Variants in SPON1 observed in about 807,000 individuals in gnomAD.
The protein encoded by SPON1 is spondin 1.
SPON1 carries 52 observed loss-of-function variants against 111.7 expected under a neutral mutation model. The observed-to-expected ratio is 0.47, with a 90% CI of 0.37 to 0.59. SPON1 has a LOEUF of 0.59. Among genes scored for constraint, SPON1 ranks in the 20% least tolerant of loss-of-function variants. The pLI is 0.00. For synonymous variants in SPON1, 410 were observed against 395.8 expected (o/e 1.04, Z -0.43); for missense variants, 957 against 1,068.5 (o/e 0.90, Z 1.46).
At chr11:14,117,909 T>C (rs1273193590) in intron 5 of SPON1, among the ~76,000 whole-genome samples, 1 of 152,200 alleles carries the variant, frequency 6.6e-6, no homozygotes, top group African/African-American at 2.4e-5. Context: ...GAAATAGCAT[T>C]GAAAAAGAAG....
chr11:14,011,991 G>A (rs1473200462), intron 2 of SPON1, among the ~76,000 whole-genome samples: 6 of 152,140 alleles, frequency 3.9e-5, no homozygotes, highest in African/African-American at 1.4e-4. Context: ...AGGGTGTGAG[G>A]GCTGCAATGC....
At chr11:13,998,139 C>T (rs1419683206) in intron 2 of SPON1, among the ~76,000 whole-genome samples, 1 of 152,180 alleles carries the variant, frequency 6.6e-6, no homozygotes, top group Non-Finnish European at 1.5e-5. Context: ...TGCCTGCCCA[C>T]ATACACACCC....
intron 6 of SPON1, among the ~76,000 whole-genome samples, chr11:14,145,382 A>C (rs1281343035): frequency 6.6e-6 from 1 of 152,220 alleles, no homozygotes; most frequent in Non-Finnish European, 1.5e-5. Context: ...AGTCTTATTC[A>C]AGACTTACAG....
At chr11:14,091,349 T>C (rs1554923331) in intron 5 of SPON1, among the ~76,000 whole-genome samples, 1 of 152,146 alleles carries the variant, frequency 6.6e-6, no homozygotes, top group African/African-American at 2.4e-5. Flanking sequence ...CCTTGGGTGG[T>C]CGATGGGACT....
intron 2 of SPON1, among the ~76,000 whole-genome samples, chr11:14,029,758 G>A (rs191542069): frequency 6.6e-6 from 1 of 152,270 alleles, no homozygotes; most frequent in East Asian, 1.9e-4. Flanking sequence ...GCTGTTTTAG[G>A]TTTAAATATG....
intron 3 of SPON1, among the ~76,000 whole-genome samples, chr11:14,049,400 C>T (rs1848692012): frequency 1.3e-5 from 2 of 152,222 alleles, no homozygotes; most frequent in South Asian, 4.1e-4. Flanking sequence ...ATAAGACTTG[C>T]TGTCCTCAGG....
chr11:13,970,157 C>G (rs1279076299), intron 1 of SPON1, among the ~76,000 whole-genome samples: 3 of 152,174 alleles, frequency 2.0e-5, no homozygotes, highest in Non-Finnish European at 2.9e-5. Context: ...TTTTGTGATG[C>G]TTGTCAGCTC....
intron 2 of SPON1, among the ~76,000 whole-genome samples, chr11:13,985,341 G>A (rs1848174103): frequency 6.6e-6 from 1 of 152,220 alleles, no homozygotes. Flanking sequence ...CACTTAAACA[G>A]TGCTTGTGTG....
intron 1 of SPON1, among the ~76,000 whole-genome samples, chr11:13,979,703 A>G (rs1287004821): frequency 6.6e-6 from 1 of 152,250 alleles, no homozygotes; most frequent in Non-Finnish European, 1.5e-5. Context: ...CCTGAGGACC[A>G]GGGACACAAG....
At chr11:14,103,916 A>T (rs115698553) in intron 5 of SPON1, among the ~76,000 whole-genome samples, 1,727 of 152,244 alleles carry the variant, frequency 0.011, 31 homozygotes, top group African/African-American at 0.04. Flanking sequence ...TATACTTATT[A>T]ATTTCCCTTT....
chr11:14,127,641 A>C (rs1182456263), intron 5 of SPON1, among the ~76,000 whole-genome samples: 1 of 152,258 alleles, frequency 6.6e-6, no homozygotes, highest in African/African-American at 2.4e-5. Context: ...CTGAATGAGA[A>C]TAGCATCTGT....
rs781806181 is a variant in SPON1, at chr11:14,257,779, C to T, written c.1373C>T (p.Thr458Ile). ...CCATGGTCCGCCTGCAGCTCCTCCACCTGTGACAAAGGCAAGAGGATGCGA... is the reference window on the plus strand; with the variant it reads ...CCATGGTCCGCCTGCAGCTCCTCCATCTGTGACAAAGGCAAGAGGATGCGA... Reference protein sequence around the residue: ...WSPWSACSSSTCDKGKRMRQR... With the variant: ...WSPWSACSSSICDKGKRMRQR... Residue 458 changes from threonine to isoleucine, a missense_variant, in exon 11 of 16, where the codon ACC becomes ATC. Coordinates refer to ENST00000576479, the MANE Select transcript of SPON1 (RefSeq NM_006108.4). The T allele has an allele frequency of 1.2e-6, 2 of 1,613,280 alleles. No individual in the cohort carries two copies. Among genetic ancestry groups the T allele is most frequent in the Non-Finnish European group, 1.7e-6 (2 of 1,179,634 alleles).
intron 3 of SPON1, among the ~76,000 whole-genome samples, chr11:14,067,903 T>C (rs1311252943): frequency 6.6e-6 from 1 of 152,226 alleles, no homozygotes; most frequent in Non-Finnish European, 1.5e-5. Context: ...GTCACTCTCC[T>C]GTCAGGTGGG....
intron 6 of SPON1, among the ~76,000 whole-genome samples, chr11:14,236,488 T>C (rs1204208577): frequency 3.3e-5 from 5 of 152,188 alleles, no homozygotes; most frequent in African/African-American, 4.8e-5. Flanking sequence ...GATGAAAATG[T>C]TGAGTGGCTG....
chr11:14,144,776 G>C (rs1554929157), intron 6 of SPON1, among the ~76,000 whole-genome samples: 2 of 152,120 alleles, frequency 1.3e-5, no homozygotes, highest in Non-Finnish European at 1.5e-5. Context: ...AGAATATTGT[G>C]TGATGTCATT....
At chr11:14,093,207 T>C (rs897756123) in intron 5 of SPON1, among the ~76,000 whole-genome samples, 2 of 152,270 alleles carry the variant, frequency 1.3e-5, no homozygotes, top group African/African-American at 4.8e-5. Context: ...TTCGAGGCAC[T>C]GTGAGTCTGT....
At chr11:14,056,555 T>C (rs1487837674) in intron 3 of SPON1, among the ~76,000 whole-genome samples, 8 of 152,190 alleles carry the variant, frequency 5.3e-5, no homozygotes, top group African/African-American at 1.7e-4. Flanking sequence ...AACAAAGTGG[T>C]CGTGTTAAAT....
intron 3 of SPON1, among the ~76,000 whole-genome samples, chr11:14,046,707 C>A (rs1286503265): frequency 1.3e-5 from 2 of 152,144 alleles, no homozygotes; most frequent in African/African-American, 4.8e-5. Flanking sequence ...AAGCAGATTT[C>A]TAATTCCTGA....
At chr11:14,003,778 CAT>C (rs1848338044) in intron 2 of SPON1, among the ~76,000 whole-genome samples, 1 of 152,144 alleles carries the variant, frequency 6.6e-6, no homozygotes, top group African/African-American at 2.4e-5. Flanking sequence ...CATCATTGCA[CAT>C]AGTTACTTTT....
Sources: gnomAD v4.1 joint callset for allele counts (sites outside exome capture counted in the v4.1 genomes callset) on GRCh38, gnomAD v4.1.1 for gene constraint, MANE v1.5 for transcripts, NCBI Gene and HGNC (gene_info 2026-07-23, HGNC 2026-07-21) for gene names.